Variants in SEPTIN5 observed in about 807,000 individuals in gnomAD.
SEPTIN5 encodes the protein septin-5.
SEPTIN5 carries 16 observed loss-of-function variants against 51.2 expected under a neutral mutation model. The observed-to-expected ratio is 0.31, with a 90% CI of 0.21 to 0.47. The LOEUF (loss-of-function observed/expected upper bound fraction) is 0.47. SEPTIN5 is among the 20% of genes least tolerant of loss of function. The probability of loss-of-function intolerance (pLI) is 0.99; values close to 1 mark genes in which losing one functional copy is unlikely to be tolerated. For synonymous variants in SEPTIN5, 208 were observed against 191.2 expected, an observed-to-expected ratio of 1.09 and a Z score of -0.72; for missense variants, 376 against 500.3, an observed-to-expected ratio of 0.75 and a Z score of 2.37.
chr22:19,718,660 C>T (rs1935957111), intron 2 of SEPTIN5: 1 of 1,288,076 alleles, frequency 7.8e-7, no homozygotes. Context: ...CGCCAAGGTC[C>T]CTCGCTGTCG....
rs538562796 is a variant in SEPTIN5 at position 19,722,218 on chromosome 22, TC to T, written c.951-12del. On this transcript the variant is annotated intron_variant, in intron 10 of 11. Transcript: ENST00000455784. ...CCCGGTGGCGCCGCCCCGCCCATCC[TC>T]CCCCCCGCCCCGCGCAGCAAACTGA... 52 of 1,104,876 alleles carry T rather than the reference TC, an allele frequency of 4.7e-5. No individual in the cohort carries two copies. The highest frequency in any genetic ancestry group is 2.2e-4 in the Admixed American group (9 of 41,580). The allele number at this position is 1,104,876 out of a possible 1,614,324, so 68.4% of individuals were successfully genotyped here. A position where few individuals can be genotyped will look rare whatever the true frequency, so the allele number is the denominator to read the frequency against.
In SEPTIN5 at chr22:19,714,651, G is replaced by A; in HGVS notation, c.43+20G>A. ...CCCCAGGTGAGCCCAGCGCCTGCCCGCGTGCCCGCGCGCGCCTTTGTCCCC... is the reference window on the plus strand; with the variant it reads ...CCCCAGGTGAGCCCAGCGCCTGCCCACGTGCCCGCGCGCGCCTTTGTCCCC... On this transcript the variant is annotated intron_variant, in intron 1 of 11. Transcript: ENST00000455784. This position sits in a 1 kb window ranked among gnomAD's most constrained non-coding sequence, Gnocchi z 5.2. 2 of 1,511,194 alleles carry A rather than the reference G, an allele frequency of 1.3e-6. No homozygotes were observed. Among genetic ancestry groups the A allele is most frequent in the East Asian group, 2.6e-5 (1 of 38,352 alleles). The allele number at this position is 1,511,194 out of a possible 1,614,324, so 93.6% of individuals were successfully genotyped here.
chr22:19,721,986 C>T lies in SEPTIN5; in HGVS notation c.950+29C>T, dbSNP rs778423051. The stretch of plus-strand genomic sequence containing the variant: ...CGCGCCCCAGCCGCGAGCCAGACCT[C>T]GCCCCTCTGGCCCCGCCCACGTCTC... On this transcript the variant is annotated intron_variant, in intron 10 of 11. Coordinates refer to ENST00000455784, the MANE Select transcript of SEPTIN5 (RefSeq NM_002688.6). 6.3e-6 allele frequency: 10 copies of T among 1,589,110 alleles called. No individual in the cohort carries two copies. In the South Asian group the frequency reaches 1.1e-4, roughly 18 times the overall value.
intron 2 of SEPTIN5, chr22:19,717,872 C>CACACACACACATT (rs1280517180): frequency 1.2e-5 from 2 of 167,084 alleles, no homozygotes; most frequent in East Asian, 1.9e-4. Flanking sequence ...GCAGGCATTA[C>CACACACACACATT]ACACACACAC....
chr22:19,715,999 T>C (rs898454410), intron 2 of SEPTIN5, among the ~76,000 whole-genome samples: 2 of 152,186 alleles, frequency 1.3e-5, no homozygotes, highest in African/African-American at 4.8e-5. Flanking sequence ...TGCCTGCAGG[T>C]GTCCCCAGCT....
In SEPTIN5 at chr22:19,722,295, C is replaced by G. The variant is rs1452415910; in HGVS notation, c.1009C>G (p.Pro337Ala). The G allele has an allele frequency of 1.9e-6, 3 of 1,611,736 alleles. No homozygotes were observed. Among genetic ancestry groups the G allele is most frequent in the Non-Finnish European group, 2.5e-6 (3 of 1,179,494 alleles). ...SPIPILPLPT[P>A]DAETEKLIRM... ...CATCCCGATCCTGCCGCTGCCCACCCCGGACGCCGAGACTGAGAAGCTTAT... is the reference window on the plus strand; with the variant it reads ...CATCCCGATCCTGCCGCTGCCCACCGCGGACGCCGAGACTGAGAAGCTTAT... Residue 337 changes from proline (P) to alanine (A), a missense_variant, in exon 11 of 12, where the codon CCG (proline) becomes GCG (alanine). Coordinates refer to ENST00000455784, the MANE Select transcript of SEPTIN5 (RefSeq NM_002688.6).
intron 2 of SEPTIN5, chr22:19,718,755 G>T (rs1935959885): frequency 8.1e-7 from 1 of 1,237,416 alleles, no homozygotes. Flanking sequence ...CGCTGGCAGC[G>T]CCCCAGGACC....
Position 19,722,225 on chromosome 22 carries a change from C to G in SEPTIN5, c.951-12C>G, listed in dbSNP as rs554882435. On this transcript the variant is annotated splice_polypyrimidine_tract_variant and intron_variant, in intron 10 of 11. Transcript: ENST00000455784. ...GCGCCGCCCCGCCCATCCTCCCCCCCGCCCCGCGCAGCAAACTGACCCAGG... is the reference window on the plus strand; with the variant it reads ...GCGCCGCCCCGCCCATCCTCCCCCCGGCCCCGCGCAGCAAACTGACCCAGG... 104 of 1,567,724 alleles carry G rather than the reference C, an allele frequency of 6.6e-5. No homozygotes were observed. The highest frequency in any genetic ancestry group is 1.6e-4 in the Admixed American group (9 of 56,220).
At position 19,714,626 on chromosome 22, in the gene SEPTIN5, C is replaced by T. The variant is rs771302421; in HGVS notation, c.38C>T (p.Thr13Ile). ...TGLRYKSKLA[T>I]PEDKQDIDKQ... is the part of the protein sequence containing the mutation. ...CTGCGGTACAAGAGCAAGCTGGCGA[C>T]CCCAGGTGAGCCCAGCGCCTGCCCG... Residue 13 changes from threonine (T) to isoleucine (I), a missense_variant, in exon 1 of 12, where the codon ACC becomes ATC. By Grantham distance (89) the Thr-to-Ile change is moderately conservative (BLOSUM62 -1). Around this residue, in one of 2 missense-constraint regions of SEPTIN5, gnomAD observed 287 missense variants for 417.1 expected, o/e 0.69. Coordinates refer to ENST00000455784, the MANE Select transcript of SEPTIN5 (RefSeq NM_002688.6). The surrounding 1 kb of genome is among the most constrained non-coding windows in gnomAD (Gnocchi z 5.2). 1.1e-5 allele frequency: 17 copies of T among 1,507,352 alleles called. No individual in the cohort carries two copies. In the African/African-American group the frequency reaches 2.2e-4, roughly 19 times the overall value. 93.4% of individuals were successfully genotyped at this position (1,507,352 alleles called of 1,614,324 possible).
At chr22:19,718,457 C>G in intron 2 of SEPTIN5, 1 of 1,126,244 alleles carries the variant, frequency 8.9e-7, no homozygotes, top group South Asian at 4.4e-5. Flanking sequence ...CGCCCCGCCT[C>G]TGGCTCGGGT....
chr22:19,722,964 C>G lies in SEPTIN5; in HGVS notation c.*480C>G. 2.3e-6 allele frequency: 1 copy of G among 441,492 alleles called. No homozygotes were observed. The highest frequency in any genetic ancestry group is 4.3e-6 in the Non-Finnish European group (1 of 233,472). 27.3% of individuals were successfully genotyped at this position (441,492 alleles called of 1,614,324 possible). Reference sequence around the variant, plus strand: ...GGCCGAGTCTTCCCTTATCCCCAGACGCCTAGCGGGCAGGGTTGGGCTGAA... The same window carrying G: ...GGCCGAGTCTTCCCTTATCCCCAGAGGCCTAGCGGGCAGGGTTGGGCTGAA... On this transcript the variant is annotated 3_prime_UTR_variant, in exon 12 of 12. Transcript: ENST00000455784.
chr22:19,717,634 G>T (rs923448621), intron 2 of SEPTIN5: 7 of 299,466 alleles, frequency 2.3e-5, no homozygotes, highest in African/African-American at 1.4e-4. Context: ...TACTCCGGCA[G>T]CCTGCACCCT....
chr22:19,721,802 T>C lies in SEPTIN5; in HGVS notation c.815-20T>C. On this transcript the variant is annotated intron_variant, in intron 9 of 11. Transcript: ENST00000455784. ...CTGTCCTGGGCCGGCGCCAGCCCAC[T>C]ACCCACCCCCACCCCGCAGTGGAGA... The C allele has an allele frequency of 6.4e-7, 1 of 1,568,810 alleles. No homozygotes were observed. Among genetic ancestry groups the C allele is most frequent in the Non-Finnish European group, 8.7e-7 (1 of 1,147,836 alleles).
intron 2 of SEPTIN5, chr22:19,718,999 T>A: frequency 8.9e-6 from 5 of 563,026 alleles, no homozygotes; most frequent in East Asian, 3.6e-5. Context: ...AGGCCTCACC[T>A]CACGCGACTC....
rs750433149 is a variant in SEPTIN5, at chr22:19,719,832, C to A, written c.178C>A (p.Leu60Met). Reference sequence around the variant, plus strand: ...TGAGTCAGGCCTGGGGAAGTCCACACTGGTCCACAGCCTCTTCCTGACAGA... The same window carrying A: ...TGAGTCAGGCCTGGGGAAGTCCACAATGGTCCACAGCCTCTTCCTGACAGA... Reference protein sequence around the residue: ...AGESGLGKSTLVHSLFLTDLY... With the variant: ...AGESGLGKSTMVHSLFLTDLY... The change falls in exon 4 of 12, where the codon CTG becomes ATG. Residue 60 changes from leucine (L) to methionine (M), a missense_variant. By Grantham distance (15) the Leu-to-Met change is conservative (BLOSUM62 2). This residue lies in a region of SEPTIN5 where 287 missense variants were observed against 417.1 expected (regional missense o/e 0.69). Coordinates refer to ENST00000455784, the MANE Select transcript of SEPTIN5 (RefSeq NM_002688.6). 9 of 1,613,000 alleles carry A rather than the reference C, an allele frequency of 5.6e-6. No individual in the cohort carries two copies. The highest frequency in any genetic ancestry group is 2.2e-5 in the South Asian group (2 of 91,092).
intron 2 of SEPTIN5, chr22:19,717,347 G>T (rs760578696): frequency 2.1e-6 from 1 of 470,542 alleles, no homozygotes; most frequent in Non-Finnish European, 4.4e-6. Context: ...CCCACAGAGC[G>T]GAGCTCGGGA....
In SEPTIN5 at chr22:19,714,594, C is replaced by T. The variant is rs1181892269; in HGVS notation, c.6C>T (p.Ser2=). ...GTCCCCCGCCGGCGGCCACCATGAG[C>T]ACAGGCCTGCGGTACAAGAGCAAGC... M[S]TGLRYKSKLA... Residue 2 remains serine, a synonymous_variant, in exon 1 of 12, where the codon AGC becomes AGT. Transcript: ENST00000455784. The surrounding 1 kb of genome is among the most constrained non-coding windows in gnomAD (Gnocchi z 5.2). 1.4e-6 allele frequency: 2 copies of T among 1,481,276 alleles called. No homozygotes were observed. The highest frequency in any genetic ancestry group is 4.6e-5 in the Admixed American group (2 of 43,938). The allele number at this position is 1,481,276 out of a possible 1,614,324, so 91.8% of individuals were successfully genotyped here.
intron 2 of SEPTIN5, among the ~76,000 whole-genome samples, chr22:19,715,631 C>T (rs1935901917): frequency 6.6e-6 from 1 of 152,238 alleles, no homozygotes; most frequent in Non-Finnish European, 1.5e-5. Flanking sequence ...ACCAGGGTGG[C>T]ACTGGCAGCC....
intron 2 of SEPTIN5, chr22:19,718,643 A>G (rs1185558748): frequency 7.8e-7 from 1 of 1,279,806 alleles, no homozygotes. Flanking sequence ...AGCCTAAGGC[A>G]GAGCCGCGCC....
Sources: gnomAD v4.1 joint callset for allele counts (sites outside exome capture counted in the v4.1 genomes callset) on GRCh38, gnomAD v4.1.1 for gene constraint, gnomAD v4.1.1 regional missense constraint, Gnocchi (gnomAD v3.1) non-coding constraint, MANE v1.5 for transcripts, NCBI Gene and HGNC (gene_info 2026-07-23, HGNC 2026-07-21) for gene names.